The following MTPN variants were observed in gnomAD, a reference collection of about 807,000 sequenced individuals.
MTPN encodes myotrophin.
A neutral mutation model predicts 13.5 loss-of-function variants in MTPN; 2 were observed. The observed-to-expected ratio is 0.15, with a 90% confidence interval of 0.06 to 0.47. MTPN has a LOEUF of 0.47. Among genes scored for constraint, MTPN ranks in the 20% least tolerant of loss-of-function variants. MTPN has a pLI of 0.97. For synonymous variants in MTPN, 46 were observed against 51.7 expected (o/e 0.89, Z 0.48); for missense variants, 79 against 137.9 (o/e 0.57, Z 2.14).
chr7:135,933,220 AG>A (rs547241135), intron 3 of MTPN, among the ~76,000 whole-genome samples: 34 of 151,928 alleles, frequency 2.2e-4, no homozygotes, highest in African/African-American at 8.0e-4. Context: ...TTATTTGCAT[AG>A]CTTTAAATAA....
chr7:135,931,158 A>G (rs549525519), intron 3 of MTPN, among the ~76,000 whole-genome samples: 2 of 152,174 alleles, frequency 1.3e-5, no homozygotes, highest in African/African-American at 2.4e-5. Flanking sequence ...CACTCAACAA[A>G]TATTTACTGA....
chr7:135,945,411 T>C (rs56153602), intron 3 of MTPN, among the ~76,000 whole-genome samples: 3,120 of 152,316 alleles, frequency 0.02, 108 homozygotes, highest in African/African-American at 0.072. Flanking sequence ...AAAACACAAG[T>C]ACACTGCACA....
intron 1 of MTPN, among the ~76,000 whole-genome samples, chr7:135,968,477 T>C (rs1799639427): frequency 6.6e-6 from 1 of 152,140 alleles, no homozygotes; most frequent in Admixed American, 6.5e-5. Context: ...CAGAATTATT[T>C]AGTAAAGATA....
At position 135,928,330 on chromosome 7, in the gene MTPN, ACCCACATG is replaced by A. The variant is rs1371634067; in HGVS notation, c.*1588_*1595del. The A allele has an allele frequency of 3.0e-5, 5 of 167,024 alleles. No homozygotes were observed. Among genetic ancestry groups the A allele is most frequent in the African/African-American group, 1.2e-4 (5 of 41,412 alleles). 10.3% of individuals were successfully genotyped at this position (167,024 alleles called of 1,614,324 possible). ...CCCACACACACCTATACACCCACAC[ACCCACATG>A]CCAACCAACCAACCAACCAGCAACT... On this transcript the variant is annotated 3_prime_UTR_variant, in exon 4 of 4. Transcript: ENST00000393085.
chr7:135,935,089 T>C (rs1423197022), intron 3 of MTPN, among the ~76,000 whole-genome samples: 1 of 152,202 alleles, frequency 6.6e-6, no homozygotes, highest in Non-Finnish European at 1.5e-5. Flanking sequence ...TGAAGAACAC[T>C]ACCATCTTCC....
At chr7:135,951,860 ATAATGAT>A (rs1194511952) in intron 1 of MTPN, among the ~76,000 whole-genome samples, 3 of 152,234 alleles carry the variant, frequency 2.0e-5, no homozygotes, top group African/African-American at 7.2e-5. Context: ...ACAATATACA[ATAATGAT>A]AAATATAACG....
rs182885114 is a variant in MTPN at position 135,951,034 on chromosome 7, A to T, written c.187-352T>A. ...GTCCAGTAAGGGAAAACAGGGGTAA[A>T]ACACAGCCAAAGAGGAGGTAAAAGG... On this transcript the variant is annotated intron_variant, in intron 2 of 3. Transcript: ENST00000393085. Among the ~76,000 whole-genome samples the T allele has an allele frequency of 4.6e-5, 7 of 152,278 alleles. No individual in the cohort carries two copies. The East Asian group carries it at 1.4e-3, about 29-fold the overall frequency.
At chr7:135,946,974 C>T (rs1190718159) in intron 3 of MTPN, among the ~76,000 whole-genome samples, 1 of 152,134 alleles carries the variant, frequency 6.6e-6, no homozygotes, top group Non-Finnish European at 1.5e-5. Context: ...TAATTATCTG[C>T]CTCCTTTCCC....
At chr7:135,954,665 G>A (rs1799414564) in intron 1 of MTPN, among the ~76,000 whole-genome samples, 3 of 152,174 alleles carry the variant, frequency 2.0e-5, no homozygotes, top group African/African-American at 7.2e-5. Flanking sequence ...CTTCAGGGCT[G>A]GGCACGGTGG....
At chr7:135,976,965 G>C (rs1384265578) in intron 1 of MTPN, 64 bp downstream of exon 1, 22 of 734,772 alleles carry the variant, frequency 3.0e-5, no homozygotes, top group Non-Finnish European at 4.4e-5. Context: ...GCTCCCATCA[G>C]CTTCCTCAGC....
intron 3 of MTPN, 62 bp downstream of exon 3, chr7:135,950,537 A>G (rs1381167411): frequency 1.6e-6 from 2 of 1,275,850 alleles, no homozygotes; most frequent in Non-Finnish European, 2.2e-6. Flanking sequence ...ATAAATTAAC[A>G]ATCAAATACT....
chr7:135,950,511 G>C lies in MTPN; in HGVS notation c.270+88C>G. 3 of 1,081,532 alleles carry C rather than the reference G, an allele frequency of 2.8e-6. No individual in the cohort carries two copies. In the South Asian group the frequency reaches 4.2e-5, roughly 15 times the overall value. The allele number at this position is 1,081,532 out of a possible 1,614,324, so 67.0% of individuals were successfully genotyped here. On this transcript the variant is annotated intron_variant, in intron 3 of 3. Coordinates refer to ENST00000393085, the MANE Select transcript of MTPN (RefSeq NM_145808.4). The stretch of plus-strand genomic sequence containing the variant: ...TTGCTTCCAGTTTTCTGTCCCTGCT[G>C]CCACACAAAATTCAAATAAATTAAC...
chr7:135,975,707 C>T (rs1799763706), intron 1 of MTPN, among the ~76,000 whole-genome samples: 1 of 152,202 alleles, frequency 6.6e-6, no homozygotes, highest in Non-Finnish European at 1.5e-5. Context: ...ATAATTTCTA[C>T]CTTTTAGCTT....
chr7:135,951,592 T>C lies in MTPN; in HGVS notation c.111A>G (p.Lys37=), dbSNP rs1235753359. The C allele has an allele frequency of 6.2e-7, 1 of 1,613,396 alleles. No individual in the cohort carries two copies. The highest frequency in any genetic ancestry group is 1.1e-5 in the South Asian group (1 of 90,994). ...DVNRTLEGGR[K]PLHYAADCGQ... ...CACAATCTGCTGCATAATGAAGAGGTTTCCTTCCACCTTCTAGTGTCCGGT... is the reference window on the plus strand; with the variant it reads ...CACAATCTGCTGCATAATGAAGAGGCTTCCTTCCACCTTCTAGTGTCCGGT... Residue 37 remains lysine, a synonymous_variant, in exon 2 of 4, where the codon AAA becomes AAG. Transcript: ENST00000393085.
chr7:135,939,794 T>C (rs1251286415), intron 3 of MTPN, among the ~76,000 whole-genome samples: 2 of 152,132 alleles, frequency 1.3e-5, no homozygotes, highest in Non-Finnish European at 2.9e-5. Flanking sequence ...TTCCCCAAAT[T>C]AGGCTGAGCT....
chr7:135,933,114 A>AC (rs1461353158), intron 3 of MTPN, among the ~76,000 whole-genome samples: 1 of 151,750 alleles, frequency 6.6e-6, no homozygotes, highest in African/African-American at 2.4e-5. Flanking sequence ...AAAAAAAAAA[A>AC]AAAAAAAAGA....
At chr7:135,944,022 A>T (rs1184882374) in intron 3 of MTPN, among the ~76,000 whole-genome samples, 1 of 152,148 alleles carries the variant, frequency 6.6e-6, no homozygotes, top group African/African-American at 2.4e-5. Context: ...CTATTTATTT[A>T]TAAGAATTCG....
intron 2 of MTPN, 134 bp downstream of exon 2, chr7:135,951,383 T>C (rs567884239): frequency 2.1e-5 from 10 of 470,302 alleles, no homozygotes; most frequent in Non-Finnish European, 1.4e-5. Context: ...TATAGGCAAT[T>C]TGGCATAATT....
intron 1 of MTPN, among the ~76,000 whole-genome samples, chr7:135,972,224 C>T (rs1042185263): frequency 2.1e-4 from 24 of 112,692 alleles, no homozygotes; most frequent in African/African-American, 7.1e-4. Context: ...CACACGCGCA[C>T]GCGCGCGCAC....
Sources: allele counts gnomAD v4.1 joint callset (sites outside exome capture counted in the v4.1 genomes callset), GRCh38; gene constraint gnomAD v4.1.1; transcripts MANE v1.5; gene names NCBI Gene and HGNC (gene_info 2026-07-23, HGNC 2026-07-21).